CNTNAP5: variants seen among roughly 807,000 people sequenced by gnomAD.
The protein encoded by CNTNAP5 is contactin associated protein family member 5.
A neutral mutation model predicts 150.2 loss-of-function variants in CNTNAP5; 72 were observed. The ratio of observed to expected loss-of-function variants is 0.48; its 90% CI spans 0.40 to 0.58. The LOEUF is 0.58. Among genes scored for constraint, CNTNAP5 ranks in the 20% least tolerant of loss-of-function variants. CNTNAP5 has a pLI of 0.00. For missense variants in CNTNAP5, 1,636 were observed against 1,626.2 expected (o/e 1.01, Z -0.10); for synonymous variants, 672 against 619.8 (o/e 1.08, Z -1.25).
At chr2:124,243,330 GTGT>G (rs143435057) in intron 3 of CNTNAP5, among the ~76,000 whole-genome samples, 3,513 of 152,102 alleles carry the variant, frequency 0.023, 130 homozygotes, top group African/African-American at 0.078. Flanking sequence ...CTTTACATTA[GTGT>G]TGTCTTCACA....
intron 6 of CNTNAP5, among the ~76,000 whole-genome samples, chr2:124,463,587 C>T (rs1252616835): frequency 6.6e-6 from 1 of 152,182 alleles, no homozygotes. Context: ...TTCATCTCCT[C>T]CAGGGCTGCA....
chr2:124,472,476 G>A lies in CNTNAP5; in HGVS notation c.919-2263G>A, dbSNP rs1343451887. On this transcript the variant is annotated intron_variant, in intron 6 of 23. Transcript: ENST00000682447. ...ATTGCTTCAAAAATTTTGGCTAGGA[G>A]TTAGGAAGTTTTGATGGAGACAGTA... Among the ~76,000 whole-genome samples the A allele has an allele frequency of 2.0e-5, 3 of 151,504 alleles. 1 individual carries two copies. The highest frequency in any genetic ancestry group is 3.9e-4 in the East Asian group (2 of 5,182).
At chr2:124,431,366 G>A (rs1692373937) in intron 4 of CNTNAP5, among the ~76,000 whole-genome samples, 1 of 151,866 alleles carries the variant, frequency 6.6e-6, no homozygotes. Flanking sequence ...ACTCAGGCCT[G>A]CATGAGGGGT....
chr2:124,177,060 C>A (rs1338177568), intron 1 of CNTNAP5, among the ~76,000 whole-genome samples: 1 of 151,886 alleles, frequency 6.6e-6, no homozygotes, highest in Non-Finnish European at 1.5e-5. Flanking sequence ...TTTGGCCAGG[C>A]TACTCTCAAA....
chr2:124,890,434 T>C (rs1189270008), intron 21 of CNTNAP5, among the ~76,000 whole-genome samples: 1 of 152,116 alleles, frequency 6.6e-6, no homozygotes, highest in Non-Finnish European at 1.5e-5. Flanking sequence ...GTTTAAGCTC[T>C]CGTTGTCCAG....
intron 7 of CNTNAP5, among the ~76,000 whole-genome samples, chr2:124,486,989 A>G (rs1185682967): frequency 1.3e-5 from 2 of 152,218 alleles, no homozygotes; most frequent in East Asian, 1.9e-4. Context: ...ATTGTTTTAC[A>G]TAGCTTATTC....
chr2:124,866,877 G>C (rs1220065192), intron 20 of CNTNAP5, among the ~76,000 whole-genome samples: 1 of 152,152 alleles, frequency 6.6e-6, no homozygotes, highest in African/African-American at 2.4e-5. Context: ...ACAATTGCCA[G>C]TTTGTCTTAA....
intron 13 of CNTNAP5, among the ~76,000 whole-genome samples, chr2:124,685,369 G>C (rs1480392427): frequency 6.6e-6 from 1 of 151,992 alleles, no homozygotes. Flanking sequence ...TTATTTCTTA[G>C]TACCCACATA....
intron 13 of CNTNAP5, among the ~76,000 whole-genome samples, chr2:124,700,492 C>T (rs1679498942): frequency 6.6e-6 from 1 of 152,080 alleles, no homozygotes; most frequent in Admixed American, 6.6e-5. Context: ...CTTGAAGAGT[C>T]TAATTTCTCC....
chr2:124,753,968 C>T (rs1320307552), intron 14 of CNTNAP5, among the ~76,000 whole-genome samples: 2 of 152,172 alleles, frequency 1.3e-5, no homozygotes, highest in Non-Finnish European at 2.9e-5. Flanking sequence ...CTAATCCAGG[C>T]CCCAGGACAT....
chr2:124,772,786 T>A lies in CNTNAP5; in HGVS notation c.2534-13T>A. ...ACTCCCTCTATCCTTCCTGTTTTCCTTTCCGGTTTCAGCTCCTTCAGAGAT... is the reference window on the plus strand; with the variant it reads ...ACTCCCTCTATCCTTCCTGTTTTCCATTCCGGTTTCAGCTCCTTCAGAGAT... On this transcript the variant is annotated splice_polypyrimidine_tract_variant and intron_variant, in intron 16 of 23. Coordinates refer to ENST00000682447, the MANE Select transcript of CNTNAP5 (RefSeq NM_001367498.1). The A allele has an allele frequency of 6.2e-7, 1 of 1,611,644 alleles. No homozygotes were observed. The highest frequency in any genetic ancestry group is 8.5e-7 in the Non-Finnish European group (1 of 1,177,818).
Position 124,419,140 on chromosome 2 carries a change from C to CAAAAAAAAAAAA in CNTNAP5, c.529+1562_529+1573dup, listed in dbSNP as rs778863758. Reference sequence around the variant, plus strand: ...TGGGCGACAGAGCGAGACTCCTTCTCAAAAAAAAAAAAAAAAAAAAAAACA... The same window carrying CAAAAAAAAAAAA: ...TGGGCGACAGAGCGAGACTCCTTCTCAAAAAAAAAAAAAAAAAAAAAAAAAAAAAAAAAAACA... On this transcript the variant is annotated intron_variant, in intron 4 of 23. Transcript: ENST00000682447. 1.6e-3 allele frequency among the ~76,000 whole-genome samples: 46 copies of CAAAAAAAAAAAA among 28,896 alleles called. 1 individual carries two copies. The highest frequency in any genetic ancestry group is 7.6e-3 in the East Asian group (4 of 524). 19.0% of individuals were successfully genotyped at this position (28,896 alleles called of 152,430 possible).
chr2:124,596,446 G>A (rs1342547748), intron 11 of CNTNAP5, among the ~76,000 whole-genome samples: 1 of 63,162 alleles, frequency 1.6e-5, no homozygotes, highest in Non-Finnish European at 3.1e-5. Flanking sequence ...TAGTTGAGCG[G>A]CTTTGAGTGA....
chr2:124,788,687 G>A (rs1289699375), intron 17 of CNTNAP5, among the ~76,000 whole-genome samples: 3 of 148,402 alleles, frequency 2.0e-5, no homozygotes, highest in South Asian at 2.1e-4. Context: ...TGTAGCCTCC[G>A]CCTCCCCGGT....
At position 124,910,778 on chromosome 2, in the gene CNTNAP5, A is replaced by G. The variant is rs1476680017; in HGVS notation, c.3656-689A>G. Among the ~76,000 whole-genome samples the G allele has an allele frequency of 3.9e-5, 6 of 152,082 alleles. No homozygotes were observed. The East Asian group carries it at 1.2e-3, about 30-fold the overall frequency. ...ACAATAATAATCATAGTGGCTACTTATAAGTGTATAGTAGCCACAAGGTCC... is the reference window on the plus strand; with the variant it reads ...ACAATAATAATCATAGTGGCTACTTGTAAGTGTATAGTAGCCACAAGGTCC... On this transcript the variant is annotated intron_variant, in intron 22 of 23. Transcript: ENST00000682447.
intron 1 of CNTNAP5, among the ~76,000 whole-genome samples, chr2:124,132,441 G>C (rs1431946732): frequency 6.6e-6 from 1 of 152,100 alleles, no homozygotes; most frequent in Non-Finnish European, 1.5e-5. Flanking sequence ...GTATTATGGT[G>C]GTTTCCATTA....
At chr2:124,558,083 T>C (rs1695801239) in intron 10 of CNTNAP5, among the ~76,000 whole-genome samples, 1 of 152,006 alleles carries the variant, frequency 6.6e-6, no homozygotes, top group South Asian at 2.1e-4. Flanking sequence ...CTGCCTTAGG[T>C]TTTTATAGGG....
chr2:124,472,481 G>A (rs1476142828), intron 6 of CNTNAP5, among the ~76,000 whole-genome samples: 1 of 151,488 alleles, frequency 6.6e-6, no homozygotes, highest in African/African-American at 2.4e-5. Context: ...TAGGAGTTAG[G>A]AAGTTTTGAT....
At chr2:124,590,906 C>G (rs945197154) in intron 11 of CNTNAP5, among the ~76,000 whole-genome samples, 1 of 152,174 alleles carries the variant, frequency 6.6e-6, no homozygotes. Flanking sequence ...CTATCATTAT[C>G]TTTAATGAGA....
Sources: gnomAD v4.1 joint callset for allele counts (sites outside exome capture counted in the v4.1 genomes callset) on GRCh38, gnomAD v4.1.1 for gene constraint, MANE v1.5 for transcripts, NCBI Gene and HGNC (gene_info 2026-07-23, HGNC 2026-07-21) for gene names.